OTOA: variants seen among roughly 807,000 people sequenced by gnomAD.
OTOA encodes cancer/testis antigen 108.
OTOA carries 70 observed loss-of-function variants against 110.8 expected under a neutral mutation model. That is an observed-to-expected ratio of 0.63 (90% confidence interval 0.52 to 0.77). OTOA has a LOEUF of 0.77. Among genes scored for constraint, OTOA ranks in the 30% least tolerant of loss-of-function variants. The probability of loss-of-function intolerance (pLI) is 0.00; values close to 1 mark genes in which losing one functional copy is unlikely to be tolerated. For missense variants in OTOA, 917 were observed against 1,075.8 expected, an observed-to-expected ratio of 0.85 and a Z score of 2.06; for synonymous variants, 373 against 431.5, an observed-to-expected ratio of 0.86 and a Z score of 1.68.
In OTOA at chr16:21,678,532, G is replaced by A. The variant is rs776083450; in HGVS notation, c.18G>A (p.Thr6=). The change falls in exon 2 of 29, where the codon ACG becomes ACA. Residue 6 remains threonine (T), a synonymous_variant. Coordinates refer to ENST00000646100, the MANE Select transcript of OTOA (RefSeq NM_144672.4). Reference sequence around the variant, plus strand: ...ACAGGAGAATGTCTCAGGAACCTACGACATACTCCCTTTTCCTATTCCTTT... The same window carrying A: ...ACAGGAGAATGTCTCAGGAACCTACAACATACTCCCTTTTCCTATTCCTTT... MSQEP[T]TYSLFLFLFL... 3.5e-5 allele frequency: 56 copies of A among 1,613,336 alleles called. No individual in the cohort carries two copies. Among genetic ancestry groups the A allele is most frequent in the Admixed American group, 5.0e-5 (3 of 59,926 alleles).
At chr16:21,679,762 G>T (rs973747730) in intron 5 of OTOA, among the ~76,000 whole-genome samples, 1 of 152,048 alleles carries the variant, frequency 6.6e-6, no homozygotes, top group Admixed American at 6.6e-5. Context: ...TAAGCGCTTG[G>T]TATAGAAACA....
chr16:21,710,159 G>A, intron 13 of OTOA, 56 bp downstream of exon 13: 1 of 1,465,096 alleles, frequency 6.8e-7, no homozygotes, highest in South Asian at 1.2e-5. Flanking sequence ...AAGTGTATTA[G>A]ACCTGCCAGG....
chr16:21,705,363 C>T, intron 12 of OTOA, 71 bp downstream of exon 12: 1 of 1,609,624 alleles, frequency 6.2e-7, no homozygotes, highest in Non-Finnish European at 8.5e-7. Flanking sequence ...GGAGAACAGC[C>T]TAGCTTAGCC....
intron 1 of OTOA, among the ~76,000 whole-genome samples, chr16:21,673,015 G>T (rs1273481344): frequency 6.6e-6 from 1 of 152,138 alleles, no homozygotes. Context: ...GGGCATGGTA[G>T]TGCATGCCTG....
intron 1 of OTOA, among the ~76,000 whole-genome samples, chr16:21,667,425 C>A (rs1001406238): frequency 3.3e-5 from 5 of 151,938 alleles, no homozygotes; most frequent in Non-Finnish European, 5.9e-5. Flanking sequence ...GAGGCCGAGG[C>A]GGGCAGATCA....
chr16:21,679,280 C>T (rs1966871404), intron 5 of OTOA, 69 bp downstream of exon 5: 2 of 1,520,510 alleles, frequency 1.3e-6, no homozygotes, highest in African/African-American at 2.8e-5. Context: ...ATGGAAGTCT[C>T]TTAATTGTAA....
chr16:21,703,632 C>T (rs1211181981), intron 11 of OTOA, among the ~76,000 whole-genome samples: 2 of 152,110 alleles, frequency 1.3e-5, no homozygotes, highest in Non-Finnish European at 2.9e-5. Flanking sequence ...CTTCTTTACT[C>T]GAAGTTAAGC....
intron 13 of OTOA, 47 bp downstream of exon 13, chr16:21,710,150 A>T: frequency 1.3e-6 from 2 of 1,509,132 alleles, no homozygotes; most frequent in Non-Finnish European, 1.8e-6. Flanking sequence ...AGATGACCTA[A>T]GTGTATTAGA....
intron 1 of OTOA, among the ~76,000 whole-genome samples, chr16:21,674,469 G>T (rs1393701771): frequency 1.3e-5 from 2 of 151,914 alleles, no homozygotes; most frequent in Admixed American, 1.3e-4. Context: ...GAGTAGCTGG[G>T]ACTACAGGCA....
chr16:21,688,849 CA>C (rs1377345846), intron 8 of OTOA, among the ~76,000 whole-genome samples: 1 of 152,164 alleles, frequency 6.6e-6, no homozygotes, highest in Non-Finnish European at 1.5e-5. Context: ...GAAACGCAAA[CA>C]TTCAGTCCAC....
intron 20 of OTOA, among the ~76,000 whole-genome samples, chr16:21,729,391 A>C: frequency 6.6e-6 from 1 of 152,108 alleles, no homozygotes; most frequent in African/African-American, 2.4e-5. Context: ...GAGAAGATAG[A>C]GATTTCCCAT....
intron 13 of OTOA, among the ~76,000 whole-genome samples, chr16:21,712,602 A>G (rs534603906): frequency 3.9e-5 from 6 of 151,900 alleles, no homozygotes; most frequent in Non-Finnish European, 7.4e-5. Context: ...GCACTTTGGG[A>G]GGCCGAGACA....
intron 7 of OTOA, among the ~76,000 whole-genome samples, chr16:21,685,754 G>T (rs1468609867): frequency 6.6e-6 from 1 of 151,634 alleles, no homozygotes; most frequent in Admixed American, 6.6e-5. Context: ...GTAGAGACGA[G>T]ATTTTGCCAG....
chr16:21,728,162 C>T, intron 19 of OTOA, 79 bp from the exon 20 acceptor site: 1 of 1,569,270 alleles, frequency 6.4e-7, no homozygotes, highest in Non-Finnish European at 8.8e-7. Context: ...ACAGTGCCCA[C>T]CCCACAGGAT....
chr16:21,712,172 G>T (rs942112094), intron 13 of OTOA, among the ~76,000 whole-genome samples: 5 of 151,702 alleles, frequency 3.3e-5, no homozygotes, highest in African/African-American at 1.2e-4. Context: ...ACTAAAAATA[G>T]AAAAATTAGC....
Position 21,716,937 on chromosome 16 carries a change from A to G in OTOA, c.1519A>G (p.Ile507Val). 1.2e-6 allele frequency: 2 copies of G among 1,614,042 alleles called. No individual in the cohort carries two copies. Among genetic ancestry groups the G allele is most frequent in the African/African-American group, 1.3e-5 (1 of 75,010 alleles). The part of the protein sequence containing the change: ...MVQAEDTAPG[I>V]VEIQGAFFKE... ...CCAAGCGGAAGACACTGCCCCAGGC[A>G]TCGTGGAGATACAAGGGGCTTTCTT... The change falls in exon 15 of 29, where the codon ATC becomes GTC. Residue 507 changes from isoleucine to valine, a missense_variant. By Grantham distance (29) the Ile-to-Val change is conservative (BLOSUM62 3). Transcript: ENST00000646100.
In OTOA at chr16:21,694,161, C is replaced by G. The variant is rs1370567010; in HGVS notation, c.739+2474C>G. ...GCTATTAAAAAAGGTAAAAAGCAGG[C>G]AGGGTGCAGTGGCTCATGCTTGTAA... On this transcript the variant is annotated intron_variant, in intron 9 of 28. Coordinates refer to ENST00000646100, the MANE Select transcript of OTOA (RefSeq NM_144672.4). Among the ~76,000 whole-genome samples the G allele has an allele frequency of 2.0e-5, 3 of 152,220 alleles. No individual in the cohort carries two copies. The East Asian group carries it at 5.8e-4, about 29-fold the overall frequency.
intron 9 of OTOA, among the ~76,000 whole-genome samples, chr16:21,695,227 C>T (rs935142353): frequency 1.5e-5 from 1 of 66,774 alleles, no homozygotes; most frequent in African/African-American, 3.8e-5. Context: ...TAGTGAGACC[C>T]CCCCCCCCCA....
chr16:21,717,185 T>A, intron 15 of OTOA, 138 bp downstream of exon 15: 1 of 1,303,226 alleles, frequency 7.7e-7, no homozygotes, highest in Non-Finnish European at 1.1e-6. Context: ...AGTATAGTGT[T>A]AAGAATTTGG....
Sources: gnomAD v4.1 joint callset for allele counts (sites outside exome capture counted in the v4.1 genomes callset) on GRCh38, gnomAD v4.1.1 for gene constraint, MANE v1.5 for transcripts, NCBI Gene and HGNC (gene_info 2026-07-23, HGNC 2026-07-21) for gene names.